TEAD1: variants seen among roughly 807,000 people sequenced by gnomAD.
TEAD1 encodes transcriptional enhancer factor TEF-1.
Under a neutral mutation model 54.9 loss-of-function variants are expected in TEAD1, and 9 were observed. The ratio of observed to expected loss-of-function variants is 0.16; its 90% CI spans 0.10 to 0.29. The LOEUF (loss-of-function observed/expected upper bound fraction) is 0.29, where lower values mean the gene tolerates loss of function less well. TEAD1 is among the 10% of genes least tolerant of loss of function. The pLI is 1.00. For missense variants in TEAD1, 387 were observed against 535.9 expected, an observed-to-expected ratio of 0.72 and a Z score of 2.74; for synonymous variants, 200 against 187.8, an observed-to-expected ratio of 1.07 and a Z score of -0.53.
chr11:12,928,269 A>C (rs570741430), intron 11 of TEAD1, among the ~76,000 whole-genome samples: 1 of 143,740 alleles, frequency 7.0e-6, no homozygotes, highest in South Asian at 2.2e-4. Context: ...ATTCGTCTAT[A>C]CTTTTTTCTT....
intron 10 of TEAD1, among the ~76,000 whole-genome samples, chr11:12,908,390 CTCTGG>C (rs113292344): frequency 1.7e-3 from 260 of 152,326 alleles, no homozygotes; most frequent in Middle Eastern, 6.8e-3. Context: ...CCAGGAAAGG[CTCTGG>C]TCTAAGCTGG....
intron 3 of TEAD1, among the ~76,000 whole-genome samples, chr11:12,811,876 G>A (rs1178390266): frequency 6.6e-6 from 1 of 151,704 alleles, no homozygotes; most frequent in Non-Finnish European, 1.5e-5. Flanking sequence ...GTAGGGTGGT[G>A]TGTCTAAGTT....
At chr11:12,924,598 C>T (rs1948875100) in intron 10 of TEAD1, among the ~76,000 whole-genome samples, 1 of 152,036 alleles carries the variant, frequency 6.6e-6, no homozygotes. Context: ...CAATTAATAT[C>T]CTGCTTTCTG....
At chr11:12,821,573 C>T (rs1296688797) in intron 3 of TEAD1, among the ~76,000 whole-genome samples, 2 of 152,142 alleles carry the variant, frequency 1.3e-5, no homozygotes, top group East Asian at 1.9e-4. Context: ...GTTCCCTGAG[C>T]ATGCAGTCGG....
chr11:12,723,682 A>G (rs1356408535), intron 2 of TEAD1, among the ~76,000 whole-genome samples: 1 of 152,174 alleles, frequency 6.6e-6, no homozygotes, highest in Non-Finnish European at 1.5e-5. Context: ...GATAAAACAT[A>G]AAAGGATCAG....
At chr11:12,760,365 G>C (rs1023184093) in intron 2 of TEAD1, among the ~76,000 whole-genome samples, 3 of 152,190 alleles carry the variant, frequency 2.0e-5, no homozygotes, top group Non-Finnish European at 2.9e-5. Context: ...GAGCTTCTGA[G>C]AGAGTTATTA....
chr11:12,783,086 C>T (rs1030115405), intron 3 of TEAD1, among the ~76,000 whole-genome samples: 1 of 143,744 alleles, frequency 7.0e-6, no homozygotes, highest in South Asian at 2.3e-4. Context: ...AGTCACTAAA[C>T]CAGGTAAGGG....
intron 3 of TEAD1, among the ~76,000 whole-genome samples, chr11:12,837,951 G>A (rs550965463): frequency 4.6e-5 from 7 of 151,652 alleles, no homozygotes; most frequent in Admixed American, 2.0e-4. Context: ...CTGCCACCAC[G>A]CCCGCTAATT....
At chr11:12,828,813 G>C (rs945786847) in intron 3 of TEAD1, among the ~76,000 whole-genome samples, 4 of 142,788 alleles carry the variant, frequency 2.8e-5, no homozygotes, top group African/African-American at 1.0e-4. Context: ...TTTCTGTATA[G>C]CCTTACTCCT....
At chr11:12,815,182 A>C (rs943222644) in intron 3 of TEAD1, among the ~76,000 whole-genome samples, 1 of 152,094 alleles carries the variant, frequency 6.6e-6, no homozygotes, top group Non-Finnish European at 1.5e-5. Context: ...TTTTAAACAG[A>C]AACTGTGTTT....
chr11:12,842,070 AC>A (rs527511868), intron 3 of TEAD1, among the ~76,000 whole-genome samples: 142 of 145,308 alleles, frequency 9.8e-4, no homozygotes, highest in African/African-American at 4.0e-3. Flanking sequence ...GAGGAAAAAA[AC>A]AAAACAAAAC....
At chr11:12,735,331 G>A (rs889112949) in intron 2 of TEAD1, among the ~76,000 whole-genome samples, 5 of 152,240 alleles carry the variant, frequency 3.3e-5, no homozygotes, top group Non-Finnish European at 7.4e-5. Context: ...AAGCATTAGG[G>A]GAAGGGCTTC....
At chr11:12,881,103 C>T (rs368127489) in intron 7 of TEAD1, 52 bp downstream of exon 7, 28 of 1,581,668 alleles carry the variant, frequency 1.8e-5, no homozygotes, top group Admixed American at 1.0e-4. Context: ...TCCCAGCCCA[C>T]GTGGGGAGAG....
chr11:12,919,007 G>A (rs1948761471), intron 10 of TEAD1, among the ~76,000 whole-genome samples: 1 of 152,204 alleles, frequency 6.6e-6, no homozygotes, highest in South Asian at 2.1e-4. Flanking sequence ...GGATATTTGG[G>A]GGAGAGAGGG....
chr11:12,812,786 C>T lies in TEAD1; in HGVS notation c.202+48352C>T, dbSNP rs192241403. On this transcript the variant is annotated intron_variant, in intron 3 of 12. Transcript: ENST00000527636. ...CATTCCCTTTGGGGAAGTCGTGGCT[C>T]AGTGCTCTTCTGGTTCAGGAACACT... 1.8e-4 allele frequency among the ~76,000 whole-genome samples: 28 copies of T among 152,322 alleles called. No homozygotes were observed. The East Asian group carries it at 2.3e-3, about 13-fold the overall frequency.
At chr11:12,765,147 GAC>G (rs1363951234) in intron 3 of TEAD1, among the ~76,000 whole-genome samples, 1 of 152,136 alleles carries the variant, frequency 6.6e-6, no homozygotes, top group East Asian at 1.9e-4. Context: ...AGGAGAGAGA[GAC>G]CTGTTAACTA....
intron 3 of TEAD1, among the ~76,000 whole-genome samples, chr11:12,820,760 G>C (rs757723948): frequency 6.6e-6 from 1 of 152,200 alleles, no homozygotes. Flanking sequence ...TGTGAGTGCT[G>C]TTTCCCCAAA....
Position 12,840,246 on chromosome 11 carries a change from C to CAAAAAAAAAAAAA in TEAD1, c.203-22000_203-21988dup, listed in dbSNP as rs1176865272. On this transcript the variant is annotated intron_variant, in intron 3 of 12. Coordinates refer to ENST00000527636, the MANE Select transcript of TEAD1 (RefSeq NM_021961.6). ...TGGGCGACAGAGCGAGACTCTGCCT[C>CAAAAAAAAAAAAA]AAAAAAAAAAAAAAAAGAAAAAAAA... Among the ~76,000 whole-genome samples, 94 of 31,508 alleles carry CAAAAAAAAAAAAA rather than the reference C, an allele frequency of 3.0e-3. 4 individuals carry two copies. Among genetic ancestry groups the CAAAAAAAAAAAAA allele is most frequent in the Admixed American group, 2.9e-3 (7 of 2,430 alleles). 20.7% of individuals were successfully genotyped at this position (31,508 alleles called of 152,430 possible).
At chr11:12,705,969 G>A (rs1365040171) in intron 2 of TEAD1, among the ~76,000 whole-genome samples, 2 of 152,112 alleles carry the variant, frequency 1.3e-5, no homozygotes, top group Non-Finnish European at 1.5e-5. Context: ...TGTGTGTCTT[G>A]CTCAATTTTA....
Sources: allele counts gnomAD v4.1 joint callset (sites outside exome capture counted in the v4.1 genomes callset), GRCh38; gene constraint gnomAD v4.1.1; transcripts MANE v1.5; gene names NCBI Gene and HGNC (gene_info 2026-07-23, HGNC 2026-07-21).